The following RORA variants were observed in gnomAD, a reference collection of about 807,000 sequenced individuals.
RORA encodes the protein RAR related orphan receptor A.
In RORA, 7 loss-of-function variants were observed where a neutral mutation model predicts 69.5. The observed-to-expected ratio is 0.10, with a 90% CI of 0.06 to 0.19. RORA has a LOEUF of 0.19. RORA is among the 10% of genes least tolerant of loss of function. The pLI, the probability that RORA is intolerant of heterozygous loss-of-function variation, is 1.00. For synonymous variants in RORA, 261 were observed against 240.8 expected, an observed-to-expected ratio of 1.08 and a Z score of -0.78; for missense variants, 457 against 663.0, an observed-to-expected ratio of 0.69 and a Z score of 3.41.
In RORA at chr15:60,791,269, G is replaced by A. The variant is rs146123936; in HGVS notation, c.167-112583C>T. Reference sequence around the variant, plus strand: ...TTCTGCCTCCCAGAGCTGTGTTAACGGAGACAAAGTGTTTTGAAATATCTA... The same window carrying A: ...TTCTGCCTCCCAGAGCTGTGTTAACAGAGACAAAGTGTTTTGAAATATCTA... On this transcript the variant is annotated intron_variant, in intron 1 of 10. Transcript: ENST00000335670. Among the ~76,000 whole-genome samples, 281 of 152,256 alleles carry A rather than the reference G, an allele frequency of 1.8e-3. 2 individuals carry two copies. The highest frequency in any genetic ancestry group is 6.4e-3 in the African/African-American group (264 of 41,520).
At chr15:60,840,858 G>A (rs1378365171) in intron 1 of RORA, among the ~76,000 whole-genome samples, 1 of 152,180 alleles carries the variant, frequency 6.6e-6, no homozygotes, top group Non-Finnish European at 1.5e-5. Flanking sequence ...AACTGCCATC[G>A]AAGCCTGACC....
At chr15:60,563,225 A>G (rs1715594229) in intron 2 of RORA, among the ~76,000 whole-genome samples, 1 of 152,216 alleles carries the variant, frequency 6.6e-6, no homozygotes, top group Non-Finnish European at 1.5e-5. Context: ...GCATCCACTA[A>G]GTGCAAGATG....
intron 1 of RORA, among the ~76,000 whole-genome samples, chr15:60,800,457 T>C (rs960384520): frequency 6.6e-6 from 1 of 152,214 alleles, no homozygotes; most frequent in South Asian, 2.1e-4. Context: ...TCAGCTCTGG[T>C]GGAAAGTATC....
intron 1 of RORA, among the ~76,000 whole-genome samples, chr15:60,889,122 C>T (rs948299720): frequency 6.6e-6 from 1 of 152,210 alleles, no homozygotes; most frequent in South Asian, 2.1e-4. Context: ...TCCCATGTCG[C>T]ACACTTATGC....
intron 1 of RORA, among the ~76,000 whole-genome samples, chr15:61,219,247 C>G (rs915777923): frequency 6.6e-6 from 1 of 152,232 alleles, no homozygotes; most frequent in African/African-American, 2.4e-5. Context: ...ACATAATCTA[C>G]TGCCTAATGC....
intron 1 of RORA, among the ~76,000 whole-genome samples, chr15:60,946,488 T>G (rs977745758): frequency 5.3e-5 from 8 of 152,246 alleles, no homozygotes; most frequent in Non-Finnish European, 1.0e-4. Context: ...CGGGCTGGTC[T>G]CCAGCTCCTA....
chr15:61,104,170 C>T (rs532739452), intron 1 of RORA, among the ~76,000 whole-genome samples: 4 of 152,328 alleles, frequency 2.6e-5, no homozygotes, highest in Admixed American at 1.3e-4. Context: ...ATTCCTCTCA[C>T]GGTCAGCTAT....
At chr15:61,110,885 C>T (rs2079000703) in intron 1 of RORA, among the ~76,000 whole-genome samples, 1 of 152,226 alleles carries the variant, frequency 6.6e-6, no homozygotes, top group African/African-American at 2.4e-5. Context: ...ACTTCTCTCC[C>T]CATGGATATG....
In RORA at chr15:60,760,387, C is replaced by G. The variant is rs186917805; in HGVS notation, c.167-81701G>C. ...ACTTGGAATAATTCATTAGCTGACA[C>G]TTTTAGCTATGAATTTAGCTGGTAA... On this transcript the variant is annotated intron_variant, in intron 1 of 10. Coordinates refer to ENST00000335670, the MANE Select transcript of RORA (RefSeq NM_134261.3). Among the ~76,000 whole-genome samples the G allele has an allele frequency of 2.0e-5, 3 of 152,228 alleles. No homozygotes were observed. In the East Asian group the frequency reaches 5.8e-4, roughly 29 times the overall value.
At chr15:60,583,932 A>G (rs750864757) in intron 2 of RORA, among the ~76,000 whole-genome samples, 3 of 152,186 alleles carry the variant, frequency 2.0e-5, no homozygotes, top group African/African-American at 4.8e-5. Context: ...ATCTTTTACA[A>G]AAGAAGATTC....
intron 1 of RORA, among the ~76,000 whole-genome samples, chr15:60,798,628 C>T (rs559308223): frequency 1.3e-5 from 2 of 152,040 alleles, no homozygotes; most frequent in East Asian, 3.9e-4. Flanking sequence ...GGCACCATCC[C>T]AAGCCTGGAG....
rs1231803205 is a variant in RORA at position 60,494,248 on chromosome 15, G to A, written c.*3207C>T. 2 of 152,058 alleles carry A rather than the reference G, an allele frequency of 1.3e-5. No individual in the cohort carries two copies. The highest frequency in any genetic ancestry group is 2.9e-5 in the Non-Finnish European group (2 of 67,996). 9.4% of individuals were successfully genotyped at this position (152,058 alleles called of 1,614,324 possible). ...AAAAAGCACTTTCATCTGTACTTTT[G>A]TTTGCATTGTGACCAAGGCCAGGTT... On this transcript the variant is annotated 3_prime_UTR_variant, in exon 11 of 11. Transcript: ENST00000335670.
intron 1 of RORA, among the ~76,000 whole-genome samples, chr15:61,195,127 G>A (rs7164664): frequency 0.072 from 10,882 of 151,790 alleles, 1,275 homozygotes; most frequent in African/African-American, 0.25. Flanking sequence ...AAATAGCCCC[G>A]GTCTTTTTAA....
chr15:60,949,333 T>C (rs1893007550), intron 1 of RORA, among the ~76,000 whole-genome samples: 1 of 151,846 alleles, frequency 6.6e-6, no homozygotes, highest in African/African-American at 2.4e-5. Context: ...ATCAGGCTGT[T>C]TATCAGCACT....
At chr15:60,573,910 CTTCTT>C (rs2067953781) in intron 2 of RORA, among the ~76,000 whole-genome samples, 1 of 152,244 alleles carries the variant, frequency 6.6e-6, no homozygotes, top group African/African-American at 2.4e-5. Context: ...GCAGGGACCA[CTTCTT>C]TTCATCTTTC....
At chr15:61,064,780 C>G (rs1296672072) in intron 1 of RORA, among the ~76,000 whole-genome samples, 1 of 152,176 alleles carries the variant, frequency 6.6e-6, no homozygotes, top group African/African-American at 2.4e-5. Context: ...CCAATCCCCC[C>G]ATCCCCTTTC....
intron 1 of RORA, among the ~76,000 whole-genome samples, chr15:61,096,194 G>A (rs905641847): frequency 3.0e-4 from 45 of 152,300 alleles, no homozygotes; most frequent in African/African-American, 1.1e-3. Context: ...AGGTGTGAAG[G>A]CTCCTGAAGT....
At chr15:60,964,125 C>T (rs535782606) in intron 1 of RORA, among the ~76,000 whole-genome samples, 2 of 152,354 alleles carry the variant, frequency 1.3e-5, no homozygotes, top group Admixed American at 6.5e-5. Context: ...ACCATGGTCA[C>T]ATAGCTGGTA....
intron 1 of RORA, among the ~76,000 whole-genome samples, chr15:60,853,862 G>A (rs905305970): frequency 6.6e-6 from 1 of 152,184 alleles, no homozygotes; most frequent in Admixed American, 6.5e-5. Context: ...TCCTTGTACT[G>A]TAATTCCGCA....
Sources: allele counts gnomAD v4.1 joint callset (sites outside exome capture counted in the v4.1 genomes callset), GRCh38; gene constraint gnomAD v4.1.1; transcripts MANE v1.5; gene names NCBI Gene and HGNC (gene_info 2026-07-23, HGNC 2026-07-21).